CNGA3: variants seen among roughly 807,000 people sequenced by gnomAD.
The protein encoded by CNGA3 is cyclic nucleotide gated channel subunit alpha 3.
In CNGA3, 42 loss-of-function variants were observed where a neutral mutation model predicts 46.6. That is an observed-to-expected ratio of 0.90 (90% CI 0.70 to 1.17). CNGA3 has a LOEUF of 1.17. Ranked by LOEUF, CNGA3 falls within the 50% of genes most tolerant of loss-of-function variation. CNGA3 has a pLI of 0.00. For synonymous variants in CNGA3, 394 were observed against 369.4 expected (o/e 1.07, Z -0.76); for missense variants, 893 against 890.7 (o/e 1.00, Z -0.03).
intron 1 of CNGA3, among the ~76,000 whole-genome samples, chr2:98,361,777 G>A (rs1479777701): frequency 8.2e-5 from 12 of 146,714 alleles, no homozygotes; most frequent in Admixed American, 2.1e-4. Context: ...GCGCGATCTC[G>A]GCTCTCTGCA....
intron 1 of CNGA3, among the ~76,000 whole-genome samples, chr2:98,364,624 A>G (rs1303725517): frequency 1.3e-5 from 2 of 152,116 alleles, no homozygotes; most frequent in East Asian, 3.9e-4. Context: ...ATTTAAGGTT[A>G]ATATAGTTGT....
At chr2:98,391,742 G>A (rs1482964852) in intron 6 of CNGA3, 122 bp from the exon 7 acceptor site, 2 of 875,832 alleles carry the variant, frequency 2.3e-6, no homozygotes, top group Admixed American at 3.8e-5. Flanking sequence ...TGACACCGCA[G>A]GCAGGGCCAT....
At chr2:98,392,574 A>AAAAAG (rs535634854) in intron 7 of CNGA3, among the ~76,000 whole-genome samples, 19 of 143,416 alleles carry the variant, frequency 1.3e-4, no homozygotes, top group South Asian at 2.1e-4. Flanking sequence ...AAAAGAAAAA[A>AAAAAG]AAAAGAAAAG....
intron 6 of CNGA3, 128 bp downstream of exon 6, chr2:98,389,902 G>T (rs1692744545): frequency 7.5e-6 from 5 of 666,256 alleles, no homozygotes; most frequent in Non-Finnish European, 1.3e-5. Context: ...CTTAGTTATT[G>T]TGCCTCGGTT....
chr2:98,346,828 T>G (rs1478433490), intron 1 of CNGA3, among the ~76,000 whole-genome samples: 2 of 152,004 alleles, frequency 1.3e-5, no homozygotes, highest in Non-Finnish European at 2.9e-5. Context: ...CCCAAGCCGA[T>G]CGCACCCCCT....
At chr2:98,392,957 C>T (rs1692827840) in intron 7 of CNGA3, among the ~76,000 whole-genome samples, 1 of 152,082 alleles carries the variant, frequency 6.6e-6, no homozygotes, top group African/African-American at 2.4e-5. Context: ...GCCCTGTTTC[C>T]AAGATTTTTG....
intron 1 of CNGA3, among the ~76,000 whole-genome samples, chr2:98,350,312 A>G (rs1691745266): frequency 6.6e-6 from 1 of 152,242 alleles, no homozygotes; most frequent in Non-Finnish European, 1.5e-5. Context: ...AGTGCCTGAC[A>G]TATCGTAAGT....
At chr2:98,349,037 G>C (rs1691712190) in intron 1 of CNGA3, among the ~76,000 whole-genome samples, 1 of 152,208 alleles carries the variant, frequency 6.6e-6, no homozygotes, top group African/African-American at 2.4e-5. Flanking sequence ...GTGTGGATTA[G>C]TCAGGAGAGA....
intron 1 of CNGA3, among the ~76,000 whole-genome samples, chr2:98,351,805 T>G (rs1691776295): frequency 6.6e-6 from 1 of 152,218 alleles, no homozygotes; most frequent in Non-Finnish European, 1.5e-5. Flanking sequence ...ATATTGTGAG[T>G]TTTGCATTTT....
At chr2:98,377,899 T>C (rs1692445199) in intron 3 of CNGA3, 99 bp downstream of exon 3, 1 of 1,324,912 alleles carries the variant, frequency 7.5e-7, no homozygotes, top group Admixed American at 2.3e-5. Flanking sequence ...GGGGTGGAGT[T>C]GAAGATTTGG....
chr2:98,357,034 C>T (rs550431761), intron 1 of CNGA3, among the ~76,000 whole-genome samples: 1 of 152,318 alleles, frequency 6.6e-6, no homozygotes, highest in African/African-American at 2.4e-5. Context: ...TTATCAGTGT[C>T]GTCATGATGA....
chr2:98,370,984 C>A (rs1157527717), intron 2 of CNGA3, among the ~76,000 whole-genome samples: 1 of 152,084 alleles, frequency 6.6e-6, no homozygotes, highest in Non-Finnish European at 1.5e-5. Flanking sequence ...ACCATCACAC[C>A]CTGCTAATTT....
In CNGA3 at chr2:98,377,767, G is replaced by C. The variant is rs1253830785; in HGVS notation, c.182G>C (p.Gly61Ala). Residue 61 changes from glycine (G) to alanine (A), a missense_variant, in exon 3 of 8, where the codon GGG (glycine) becomes GCG (alanine). Gly to Ala is a moderately conservative substitution (Grantham distance 60). This residue lies in a region of CNGA3 where 333 missense variants were observed against 290.8 expected (regional missense o/e 1.15). Coordinates refer to ENST00000272602, the MANE Select transcript of CNGA3 (RefSeq NM_001298.3). The part of the protein sequence containing the change: ...AMETRGLADS[G>A]QGSFTGQGIA... ...GAGACCAGAGGACTGGCTGACTCCG[G>C]GCAGGGCTCCTTCACCGGCCAGGGG... 6.8e-6 allele frequency: 11 copies of C among 1,612,488 alleles called. No individual in the cohort carries two copies. Among genetic ancestry groups the C allele is most frequent in the Middle Eastern group, 1.9e-4 (1 of 5,220 alleles).
chr2:98,362,175 T>A (rs1009770179), intron 1 of CNGA3, among the ~76,000 whole-genome samples: 9 of 88,672 alleles, frequency 1.0e-4, no homozygotes, highest in Non-Finnish European at 1.6e-4. Flanking sequence ...TTTGCCCACT[T>A]TTTTTTTTTT....
chr2:98,350,956 C>A lies in CNGA3; in HGVS notation c.-38+4422C>A, dbSNP rs534173679. The A allele has an allele frequency of 2.6e-5, 4 of 152,258 alleles. No individual in the cohort carries two copies. In the South Asian group the frequency reaches 8.3e-4, roughly 32 times the overall value. 9.4% of individuals were successfully genotyped at this position (152,258 alleles called of 1,614,324 possible). A position where few individuals can be genotyped will look rare whatever the true frequency, so the allele number is the denominator to read the frequency against. ...CGTTATCTCCATCATGGTGGAGGGA[C>A]CTTGATGGGTTTGGGACAGCCACCA... On this transcript the variant is annotated intron_variant, in intron 1 of 7. Transcript: ENST00000272602.
intron 5 of CNGA3, among the ~76,000 whole-genome samples, chr2:98,388,917 G>A (rs931385415): frequency 2.6e-5 from 4 of 152,244 alleles, no homozygotes; most frequent in African/African-American, 9.6e-5. Flanking sequence ...GCCAGCGTGG[G>A]TCGCATGGGA....
chr2:98,375,537 G>C (rs1449370454), intron 2 of CNGA3, among the ~76,000 whole-genome samples: 1 of 152,246 alleles, frequency 6.6e-6, no homozygotes, highest in African/African-American at 2.4e-5. Context: ...TATGAAGCGG[G>C]CAAGGGAATT....
At chr2:98,361,258 C>A (rs1692026573) in intron 1 of CNGA3, among the ~76,000 whole-genome samples, 1 of 152,180 alleles carries the variant, frequency 6.6e-6, no homozygotes, top group Non-Finnish European at 1.5e-5. Context: ...TCAACTCCCA[C>A]TTATAAGTGA....
intron 2 of CNGA3, among the ~76,000 whole-genome samples, chr2:98,370,991 A>G (rs1021634910): frequency 3.3e-5 from 5 of 151,738 alleles, no homozygotes; most frequent in Non-Finnish European, 5.9e-5. Context: ...CACCCTGCTA[A>G]TTTTTGTATT....
Sources: allele counts gnomAD v4.1 joint callset (sites outside exome capture counted in the v4.1 genomes callset), GRCh38; gene constraint gnomAD v4.1.1; regional missense constraint gnomAD v4.1.1; transcripts MANE v1.5; gene names NCBI Gene and HGNC (gene_info 2026-07-23, HGNC 2026-07-21).